CSMD3: variants seen among roughly 807,000 people sequenced by gnomAD.
The protein encoded by CSMD3 is CUB and Sushi multiple domains 3, also known as CUB and sushi domain-containing protein 3.
In CSMD3, 177 loss-of-function variants were observed where a neutral mutation model predicts 435.2. The ratio of observed to expected loss-of-function variants is 0.41; its 90% CI spans 0.36 to 0.46. The LOEUF is 0.46. CSMD3 is among the 20% of genes least tolerant of loss of function. The pLI, the probability that CSMD3 is intolerant of heterozygous loss-of-function variation, is 0.34. For synonymous variants in CSMD3, 1,656 were observed against 1,520.5 expected, an observed-to-expected ratio of 1.09 and a Z score of -2.07; for missense variants, 4,265 against 4,504.6, an observed-to-expected ratio of 0.95 and a Z score of 1.52.
chr8:112,959,116 T>C (rs2084137758), intron 7 of CSMD3, among the ~76,000 whole-genome samples: 1 of 152,094 alleles, frequency 6.6e-6, no homozygotes. Context: ...TATGCATATA[T>C]AGTGAAAATA....
intron 22 of CSMD3, among the ~76,000 whole-genome samples, chr8:112,590,465 T>C (rs1396567550): frequency 6.6e-6 from 1 of 152,036 alleles, no homozygotes; most frequent in Non-Finnish European, 1.5e-5. Flanking sequence ...ACAAAGGAGA[T>C]AATGACAGGT....
intron 11 of CSMD3, among the ~76,000 whole-genome samples, chr8:112,852,568 T>G (rs170760): frequency 0.2 from 30,723 of 151,924 alleles, 3,907 homozygotes; most frequent in Non-Finnish European, 0.29. Flanking sequence ...ATGAAGGAAA[T>G]TTGAATGAAA....
chr8:112,293,294 A>C (rs2130696691), intron 54 of CSMD3, among the ~76,000 whole-genome samples: 1 of 152,244 alleles, frequency 6.6e-6, no homozygotes, highest in South Asian at 2.1e-4. Flanking sequence ...GTGCTTTAAA[A>C]AACAAAGTTA....
At chr8:113,233,511 G>T (rs984315906) in intron 3 of CSMD3, among the ~76,000 whole-genome samples, 6 of 150,420 alleles carry the variant, frequency 4.0e-5, no homozygotes, top group African/African-American at 1.5e-4. Flanking sequence ...TAATATTAAT[G>T]TTAGAATATT....
intron 3 of CSMD3, among the ~76,000 whole-genome samples, chr8:113,239,516 A>G (rs1563589454): frequency 6.6e-6 from 1 of 151,734 alleles, no homozygotes; most frequent in Non-Finnish European, 1.5e-5. Flanking sequence ...CTATCTATCT[A>G]TCTATCTATC....
At chr8:112,783,143 G>C in intron 13 of CSMD3, among the ~76,000 whole-genome samples, 1 of 151,900 alleles carries the variant, frequency 6.6e-6, no homozygotes, top group African/African-American at 2.4e-5. Context: ...ATTCCAAGAA[G>C]TAGTATAATG....
At chr8:113,117,936 T>C (rs2090884574) in intron 4 of CSMD3, among the ~76,000 whole-genome samples, 1 of 152,212 alleles carries the variant, frequency 6.6e-6, no homozygotes, top group African/African-American at 2.4e-5. Flanking sequence ...AGGAAGTAAG[T>C]AACCTGATTT....
At chr8:113,202,061 G>T (rs941510239) in intron 3 of CSMD3, among the ~76,000 whole-genome samples, 1 of 151,968 alleles carries the variant, frequency 6.6e-6, no homozygotes, top group African/African-American at 2.4e-5. Flanking sequence ...TATTGATGGC[G>T]CTTTCACAAA....
At chr8:112,713,143 T>G (rs972571631) in intron 13 of CSMD3, among the ~76,000 whole-genome samples, 1 of 151,920 alleles carries the variant, frequency 6.6e-6, no homozygotes, top group East Asian at 1.9e-4. Context: ...GAGAGCCACA[T>G]GGGGCAGGGG....
At chr8:112,837,301 A>G (rs1467256486) in intron 11 of CSMD3, among the ~76,000 whole-genome samples, 1 of 151,798 alleles carries the variant, frequency 6.6e-6, no homozygotes, top group East Asian at 1.9e-4. Flanking sequence ...TTAGTACAAC[A>G]TTCAAATTAG....
At chr8:112,859,970 T>C (rs957727248) in intron 10 of CSMD3, among the ~76,000 whole-genome samples, 17 of 151,824 alleles carry the variant, frequency 1.1e-4, no homozygotes, top group African/African-American at 3.9e-4. Context: ...CCTGCCCATA[T>C]TATCATTTTC....
intron 6 of CSMD3, among the ~76,000 whole-genome samples, chr8:113,004,982 T>TTA (rs1283690275): frequency 2.6e-5 from 4 of 151,772 alleles, no homozygotes; most frequent in Non-Finnish European, 5.9e-5. Flanking sequence ...TTATACATCA[T>TTA]TATATATATA....
intron 3 of CSMD3, among the ~76,000 whole-genome samples, chr8:113,248,514 C>A (rs2093302319): frequency 7.9e-6 from 1 of 127,304 alleles, no homozygotes. Flanking sequence ...CATATATTTC[C>A]ATATTATATA....
At position 113,066,129 on chromosome 8, in the gene CSMD3, G is replaced by GAA. The variant is rs532343282; in HGVS notation, c.917+32625_917+32626dup. ...CTCAAGGTCAAAGACCCAAGAAAAA[G>GAA]AAAAAAAAAAAAAAGAAAGAAAAAG... On this transcript the variant is annotated intron_variant, in intron 5 of 70. Transcript: ENST00000297405. 5.9e-3 allele frequency among the ~76,000 whole-genome samples: 290 copies of GAA among 49,186 alleles called. 1 individual carries two copies. Among genetic ancestry groups the GAA allele is most frequent in the African/African-American group, 0.022 (277 of 12,748 alleles). 32.3% of individuals were successfully genotyped at this position (49,186 alleles called of 152,430 possible).
chr8:112,584,540 T>G (rs1333144804), intron 23 of CSMD3, among the ~76,000 whole-genome samples: 7 of 151,778 alleles, frequency 4.6e-5, no homozygotes, highest in Non-Finnish European at 1.5e-5. Context: ...GAAATAGATG[T>G]AGATACACAC....
Position 113,264,056 on chromosome 8 carries a change from A to C in CSMD3, c.514+14536T>G, listed in dbSNP as rs568203233. ...TATAGTAAAAAGAATAATTATCTTA[A>C]TAAGGAAGAATTCATTTCAAGTTTA... is the stretch of plus-strand genomic sequence containing the variant. On this transcript the variant is annotated intron_variant, in intron 3 of 70. Transcript: ENST00000297405. Among the ~76,000 whole-genome samples the C allele has an allele frequency of 1.1e-3, 160 of 151,466 alleles. 2 individuals carry two copies. The highest frequency in any genetic ancestry group is 3.6e-3 in the African/African-American group (150 of 41,550).
In CSMD3 at chr8:113,137,126, A is replaced by G. The variant is rs371338818; in HGVS notation, c.709+36596T>C. 9.9e-5 allele frequency among the ~76,000 whole-genome samples: 15 copies of G among 151,832 alleles called. No individual in the cohort carries two copies. In the East Asian group the frequency reaches 2.3e-3, roughly 24 times the overall value. On this transcript the variant is annotated intron_variant, in intron 4 of 70. Coordinates refer to ENST00000297405, the MANE Select transcript of CSMD3 (RefSeq NM_198123.2). ...CAGATAAAGTTGCCAAGAATAATGA[A>G]GGTAGAAATCAGACAGCAATGTTTA...
intron 13 of CSMD3, among the ~76,000 whole-genome samples, chr8:112,762,914 T>C (rs1036443514): frequency 6.6e-6 from 1 of 151,642 alleles, no homozygotes; most frequent in Non-Finnish European, 1.5e-5. Context: ...AGCGATGGTG[T>C]GTTGGGAAGA....
chr8:112,683,942 A>G (rs1331969095), intron 15 of CSMD3, among the ~76,000 whole-genome samples: 3 of 151,680 alleles, frequency 2.0e-5, no homozygotes. Flanking sequence ...AATTTTAAAA[A>G]CTCAATTTTG....
Sources: allele counts gnomAD v4.1 joint callset (sites outside exome capture counted in the v4.1 genomes callset), GRCh38; gene constraint gnomAD v4.1.1; transcripts MANE v1.5; gene names NCBI Gene and HGNC (gene_info 2026-07-23, HGNC 2026-07-21).